The following RAPGEF5 variants were observed in gnomAD, a reference collection of about 807,000 sequenced individuals.
RAPGEF5 encodes Rap guanine nucleotide exchange factor 5.
Under a neutral mutation model 125.2 loss-of-function variants are expected in RAPGEF5, and 65 were observed. That is an observed-to-expected ratio of 0.52 (90% CI 0.43 to 0.64). RAPGEF5 has a LOEUF of 0.64. RAPGEF5 is among the 30% of genes least tolerant of loss of function. The pLI is 0.00. For synonymous variants in RAPGEF5, 391 were observed against 385.9 expected (o/e 1.01, Z -0.16); for missense variants, 958 against 1,048.1 (o/e 0.91, Z 1.19).
chr7:22,130,890 A>C (rs1782894897), intron 24 of RAPGEF5, 147 bp downstream of exon 24: 4 of 1,110,922 alleles, frequency 3.6e-6, no homozygotes, highest in Non-Finnish European at 5.1e-6. Flanking sequence ...GCAGCAAATA[A>C]GCTCCTTGAA....
intron 20 of RAPGEF5, among the ~76,000 whole-genome samples, chr7:22,143,639 C>A (rs1783336185): frequency 6.6e-6 from 1 of 152,212 alleles, no homozygotes; most frequent in South Asian, 2.1e-4. Context: ...AGAGTGTACT[C>A]TTTTGAATTC....
intron 11 of RAPGEF5, among the ~76,000 whole-genome samples, chr7:22,186,974 GT>G (rs777117970): frequency 1.4e-4 from 22 of 152,146 alleles, no homozygotes; most frequent in Non-Finnish European, 2.9e-4. Flanking sequence ...AACTTAAAAA[GT>G]TTCCCATTGG....
intron 21 of RAPGEF5, among the ~76,000 whole-genome samples, chr7:22,137,450 GAGTGGA>G (rs1290264744): frequency 2.6e-5 from 4 of 152,196 alleles, no homozygotes; most frequent in African/African-American, 9.6e-5. Flanking sequence ...GCACTTTAAT[GAGTGGA>G]ATCAATGAAT....
intron 3 of RAPGEF5, among the ~76,000 whole-genome samples, chr7:22,313,767 C>A (rs921814528): frequency 6.6e-6 from 1 of 152,222 alleles, no homozygotes; most frequent in Non-Finnish European, 1.5e-5. Flanking sequence ...CAAAGACTTA[C>A]ACATATAAAT....
intron 17 of RAPGEF5, among the ~76,000 whole-genome samples, chr7:22,151,489 T>A (rs1422582877): frequency 1.4e-5 from 2 of 144,994 alleles, no homozygotes; most frequent in Admixed American, 7.1e-5. Flanking sequence ...TGAGACAGAG[T>A]TGCACTCTGT....
chr7:22,125,164 A>AGCC (rs1782697332), intron 25 of RAPGEF5: 1 of 153,068 alleles, frequency 6.5e-6, no homozygotes, highest in Admixed American at 6.5e-5. Flanking sequence ...AGGAGAAAAG[A>AGCC]TTCTGGAAGG....
intron 18 of RAPGEF5, among the ~76,000 whole-genome samples, chr7:22,148,006 G>C (rs924803435): frequency 6.6e-6 from 1 of 152,136 alleles, no homozygotes; most frequent in Non-Finnish European, 1.5e-5. Flanking sequence ...TCTTCACAGA[G>C]CTTTCCCACA....
chr7:22,201,706 A>G (rs1562758849), intron 9 of RAPGEF5, among the ~76,000 whole-genome samples: 1 of 152,220 alleles, frequency 6.6e-6, no homozygotes, highest in African/African-American at 2.4e-5. Context: ...TGCACTTCCC[A>G]TGTGACCTTT....
At position 22,144,917 on chromosome 7, in the gene RAPGEF5, T is replaced by A. The variant is rs568224206; in HGVS notation, c.2186+127A>T. Reference sequence around the variant, plus strand: ...TTCAAAATTGGACATTTTCAGCCATTTAGTCATTTAACTCCATATTACACG... The same window carrying A: ...TTCAAAATTGGACATTTTCAGCCATATAGTCATTTAACTCCATATTACACG... On this transcript the variant is annotated intron_variant, in intron 20 of 25. Transcript: ENST00000665637. 48 of 1,065,076 alleles carry A rather than the reference T, an allele frequency of 4.5e-5. No individual in the cohort carries two copies. In the African/African-American group the frequency reaches 6.9e-4, roughly 15 times the overall value. The allele number at this position is 1,065,076 out of a possible 1,614,324, so 66.0% of individuals were successfully genotyped here.
At chr7:22,336,800 A>G (rs1358852494) in intron 1 of RAPGEF5, among the ~76,000 whole-genome samples, 1 of 151,962 alleles carries the variant, frequency 6.6e-6, no homozygotes, top group East Asian at 1.9e-4. Context: ...CACCCAATAA[A>G]CCCTGCCCTC....
chr7:22,176,899 A>G (rs1193664960), intron 11 of RAPGEF5, among the ~76,000 whole-genome samples: 1 of 152,198 alleles, frequency 6.6e-6, no homozygotes, highest in African/African-American at 2.4e-5. Flanking sequence ...ACACAAGAAA[A>G]TTTACTTTAA....
intron 1 of RAPGEF5, among the ~76,000 whole-genome samples, chr7:22,335,728 C>T (rs1784016067): frequency 7.1e-6 from 1 of 140,272 alleles, no homozygotes; most frequent in Non-Finnish European, 1.5e-5. Flanking sequence ...ACAACAACAA[C>T]AACGAAACTT....
At position 22,265,024 on chromosome 7, in the gene RAPGEF5, G is replaced by A. The variant is rs1583530755; in HGVS notation, c.796+1940C>T. Among the ~76,000 whole-genome samples the A allele has an allele frequency of 3.9e-5, 6 of 151,992 alleles. No homozygotes were observed. In the East Asian group the frequency reaches 1.2e-3, roughly 29 times the overall value. ...AATAATAATTGTACATATTTGTATGGTACATGATATTTTAATACATGCAAA... is the reference window on the plus strand; with the variant it reads ...AATAATAATTGTACATATTTGTATGATACATGATATTTTAATACATGCAAA... On this transcript the variant is annotated intron_variant, in intron 7 of 25. Transcript: ENST00000665637.
rs921851791 is a variant in RAPGEF5, at chr7:22,244,707, T to C, written c.797-13788A>G. On this transcript the variant is annotated intron_variant, in intron 7 of 25. Coordinates refer to ENST00000665637, the MANE Select transcript of RAPGEF5 (RefSeq NM_012294.5). Reference sequence around the variant, plus strand: ...TTGAATCATCCTGAAACCATCCCCCTACCCCAGTCCGTAGAAAAACTGTCT... The same window carrying C: ...TTGAATCATCCTGAAACCATCCCCCCACCCCAGTCCGTAGAAAAACTGTCT... 4.6e-5 allele frequency among the ~76,000 whole-genome samples: 7 copies of C among 152,102 alleles called. No individual in the cohort carries two copies. In the East Asian group the frequency reaches 7.7e-4, roughly 17 times the overall value.
intron 5 of RAPGEF5, among the ~76,000 whole-genome samples, chr7:22,303,793 C>A (rs1401245965): frequency 6.6e-6 from 1 of 152,114 alleles, no homozygotes; most frequent in African/African-American, 2.4e-5. Flanking sequence ...AATGCAAGAG[C>A]AGTAAGTTAC....
At chr7:22,185,588 C>T (rs1292552889) in intron 11 of RAPGEF5, among the ~76,000 whole-genome samples, 1 of 152,168 alleles carries the variant, frequency 6.6e-6, no homozygotes, top group Non-Finnish European at 1.5e-5. Flanking sequence ...CAAAACAAAA[C>T]AAAAACCACA....
At chr7:22,298,621 C>A (rs1436374822) in intron 5 of RAPGEF5, 5 of 152,124 alleles carry the variant, frequency 3.3e-5, no homozygotes, top group African/African-American at 1.2e-4. Context: ...CCTGAAGGTG[C>A]CTGATCTTGT....
intron 1 of RAPGEF5, among the ~76,000 whole-genome samples, chr7:22,331,573 G>C (rs979158660): frequency 4.0e-5 from 6 of 151,896 alleles, no homozygotes; most frequent in African/African-American, 1.5e-4. Flanking sequence ...CTGAAACCCT[G>C]CCTCTACTAA....
intron 1 of RAPGEF5, among the ~76,000 whole-genome samples, chr7:22,346,154 C>T (rs1291090958): frequency 6.6e-6 from 1 of 152,132 alleles, no homozygotes; most frequent in African/African-American, 2.4e-5. Flanking sequence ...GAAATAAAAC[C>T]TGATTCCCTA....
Sources: allele counts gnomAD v4.1 joint callset (sites outside exome capture counted in the v4.1 genomes callset), GRCh38; gene constraint gnomAD v4.1.1; transcripts MANE v1.5; gene names NCBI Gene and HGNC (gene_info 2026-07-23, HGNC 2026-07-21).